The following DPYD variants were observed in gnomAD, a reference collection of about 807,000 sequenced individuals.
DPYD encodes the protein dihydropyrimidine dehydrogenase, also known as dihydropyrimidine dehydrogenase [NADP(+)].
A neutral mutation model predicts 116.2 loss-of-function variants in DPYD; 109 were observed. That is an observed-to-expected ratio of 0.94 (90% CI 0.80 to 1.10). The LOEUF (loss-of-function observed/expected upper bound fraction) is 1.10, where lower values mean the gene tolerates loss of function less well. Ranked by LOEUF, DPYD falls within the 50% of genes least tolerant of loss-of-function variation. The probability of loss-of-function intolerance (pLI) is 0.00; values close to 1 mark genes in which losing one functional copy is unlikely to be tolerated. For synonymous variants in DPYD, 440 were observed against 432.0 expected (o/e 1.02, Z -0.23); for missense variants, 1,302 against 1,254.5 (o/e 1.04, Z -0.57).
intron 4 of DPYD, among the ~76,000 whole-genome samples, chr1:97,735,613 G>A (rs1337496425): frequency 2.0e-5 from 3 of 150,996 alleles, no homozygotes; most frequent in Admixed American, 6.6e-5. Context: ...GCGTGAACCC[G>A]GGAGGCGGAG....
At position 97,596,032 on chromosome 1, in the gene DPYD, G is replaced by A. The variant is rs1424050534; in HGVS notation, c.851-866C>T. Among the ~76,000 whole-genome samples, 4 of 151,964 alleles carry A rather than the reference G, an allele frequency of 2.6e-5. 1 individual carries two copies. The highest frequency in any genetic ancestry group is 4.4e-5 in the Non-Finnish European group (3 of 67,908). On this transcript the variant is annotated intron_variant, in intron 8 of 22. Coordinates refer to ENST00000370192, the MANE Select transcript of DPYD (RefSeq NM_000110.4). ...CTTAAATCTATCTTAAGAAAATACT[G>A]ACACATGCAAATAAAGGTTTAATGC...
chr1:97,225,096 C>T (rs897273115), intron 19 of DPYD, among the ~76,000 whole-genome samples: 2 of 151,568 alleles, frequency 1.3e-5, no homozygotes, highest in Admixed American at 6.6e-5. Flanking sequence ...GATTTCATTT[C>T]CTTTGGGGAT....
intron 3 of DPYD, among the ~76,000 whole-genome samples, chr1:97,824,645 G>C (rs923360931): frequency 2.2e-4 from 34 of 152,222 alleles, no homozygotes; most frequent in Admixed American, 2.6e-4. Context: ...GTCTCTAAGA[G>C]CCACAGAAAA....
intron 20 of DPYD, among the ~76,000 whole-genome samples, chr1:97,173,332 A>G (rs779408991): frequency 1.4e-5 from 2 of 145,920 alleles, no homozygotes; most frequent in Non-Finnish European, 3.1e-5. Flanking sequence ...ATACACATAT[A>G]TGTGTATATA....
chr1:97,470,194 G>A (rs1361841179), intron 13 of DPYD, among the ~76,000 whole-genome samples: 2 of 151,904 alleles, frequency 1.3e-5, no homozygotes, highest in Non-Finnish European at 2.9e-5. Context: ...TTGTTTAAAA[G>A]AGAATGAAGT....
At chr1:97,652,766 T>G (rs561556557) in intron 8 of DPYD, among the ~76,000 whole-genome samples, 1 of 152,150 alleles carries the variant, frequency 6.6e-6, no homozygotes, top group African/African-American at 2.4e-5. Context: ...ACTCAGATGC[T>G]TTTTCACTGT....
At chr1:97,408,463 T>C (rs552127115) in intron 14 of DPYD, among the ~76,000 whole-genome samples, 2 of 152,304 alleles carry the variant, frequency 1.3e-5, no homozygotes, top group East Asian at 1.9e-4. Flanking sequence ...GTTAACTTTA[T>C]GTAATAGCAA....
intron 14 of DPYD, among the ~76,000 whole-genome samples, chr1:97,406,443 T>C (rs1673662653): frequency 6.6e-6 from 1 of 151,966 alleles, no homozygotes; most frequent in Non-Finnish European, 1.5e-5. Flanking sequence ...GGGGTATATG[T>C]GCAGAATGTG....
At chr1:97,756,135 A>G (rs1195069773) in intron 3 of DPYD, among the ~76,000 whole-genome samples, 1 of 152,182 alleles carries the variant, frequency 6.6e-6, no homozygotes, top group Non-Finnish European at 1.5e-5. Flanking sequence ...AAGGGGGAAC[A>G]CAGAAGGGAA....
chr1:97,489,884 C>G (rs1678870432), intron 13 of DPYD, among the ~76,000 whole-genome samples: 1 of 152,104 alleles, frequency 6.6e-6, no homozygotes, highest in South Asian at 2.1e-4. Flanking sequence ...AGTATTAATA[C>G]TTTATTAATG....
At chr1:97,825,604 C>G (rs559895842) in intron 3 of DPYD, among the ~76,000 whole-genome samples, 2 of 100,996 alleles carry the variant, frequency 2.0e-5, no homozygotes, top group East Asian at 6.0e-4. Context: ...GGGAACATCA[C>G]ACACCAGGGC....
intron 8 of DPYD, among the ~76,000 whole-genome samples, chr1:97,630,551 C>A (rs565644959): frequency 1.3e-5 from 2 of 152,092 alleles, no homozygotes; most frequent in Non-Finnish European, 2.9e-5. Context: ...GACCTCAGAG[C>A]TTAGTGTTTT....
chr1:97,503,511 T>C (rs929693130), intron 13 of DPYD, among the ~76,000 whole-genome samples: 12 of 151,982 alleles, frequency 7.9e-5, no homozygotes, highest in African/African-American at 2.9e-4. Flanking sequence ...CTGAGAGACA[T>C]GAAGACTCTA....
chr1:97,116,150 CA>C (rs1344964139), intron 20 of DPYD, among the ~76,000 whole-genome samples: 1 of 152,086 alleles, frequency 6.6e-6, no homozygotes, highest in Non-Finnish European at 1.5e-5. Context: ...TATTTATATA[CA>C]AAAACACAGA....
At chr1:97,130,281 C>T (rs1653177920) in intron 20 of DPYD, among the ~76,000 whole-genome samples, 1 of 152,110 alleles carries the variant, frequency 6.6e-6, no homozygotes, top group African/African-American at 2.4e-5. Context: ...TAAAATGCTA[C>T]ATTATGGAAC....
chr1:97,246,962 T>A (rs190498679), intron 18 of DPYD, among the ~76,000 whole-genome samples: 1 of 152,152 alleles, frequency 6.6e-6, no homozygotes, highest in Non-Finnish European at 1.5e-5. Context: ...CTGTACTCTT[T>A]ATACATGTCC....
rs529191009 is a variant in DPYD, at chr1:97,405,919, T to C, written c.1906-23458A>G. On this transcript the variant is annotated intron_variant, in intron 14 of 22. Coordinates refer to ENST00000370192, the MANE Select transcript of DPYD (RefSeq NM_000110.4). Reference sequence around the variant, plus strand: ...ATATTATGAAATGGTTCTTCTTCTCTTCCCCCTGCCAGAAGCAGCGGGGGA... The same window carrying C: ...ATATTATGAAATGGTTCTTCTTCTCCTCCCCCTGCCAGAAGCAGCGGGGGA... Among the ~76,000 whole-genome samples the C allele has an allele frequency of 3.9e-5, 6 of 152,286 alleles. No homozygotes were observed. The South Asian group carries it at 8.3e-4, about 21-fold the overall frequency.
chr1:97,639,496 A>G (rs1219491126), intron 8 of DPYD, among the ~76,000 whole-genome samples: 1 of 152,080 alleles, frequency 6.6e-6, no homozygotes, highest in Non-Finnish European at 1.5e-5. Context: ...ACTTATATAA[A>G]TTTTGGAAAA....
At chr1:97,870,944 C>T (rs1261151693) in intron 2 of DPYD, among the ~76,000 whole-genome samples, 2 of 151,708 alleles carry the variant, frequency 1.3e-5, no homozygotes, top group Non-Finnish European at 2.9e-5. Flanking sequence ...CATTGTATGC[C>T]CATTCGGGAA....
Sources: gnomAD v4.1 joint callset for allele counts (sites outside exome capture counted in the v4.1 genomes callset) on GRCh38, gnomAD v4.1.1 for gene constraint, MANE v1.5 for transcripts, NCBI Gene and HGNC (gene_info 2026-07-23, HGNC 2026-07-21) for gene names.